Variants in SSX5 observed in about 807,000 individuals in gnomAD.
SSX5 encodes the protein protein SSX5.
Under a neutral mutation model 14.9 loss-of-function variants are expected in SSX5, and 14 were observed. The observed-to-expected ratio is 0.94, with a 90% confidence interval of 0.62 to 1.47. The LOEUF is 1.47. SSX5 is among the 40% of genes most tolerant of loss of function. The pLI, the probability that SSX5 is intolerant of heterozygous loss-of-function variation, is 0.00. For synonymous variants in SSX5, 70 were observed against 55.4 expected (o/e 1.26, Z -1.17); for missense variants, 204 against 154.6 (o/e 1.32, Z -1.70).
intron 7 of SSX5, among the ~76,000 whole-genome samples, chrX:48,187,192 A>G (rs1556923932): frequency 1.8e-5 from 2 of 111,740 alleles, no homozygotes; most frequent in African/African-American, 6.5e-5. Flanking sequence ...GCAGAGGCTC[A>G]CGCCTGTAGT....
Position 48,195,112 on chromosome X carries a change from G to C in SSX5, c.69+178C>G, listed in dbSNP as rs1556925563. 1.2e-5 allele frequency: 15 copies of C among 1,209,792 alleles called. No individual in the cohort carries two copies. The Admixed American group carries it at 2.8e-4, about 23-fold the overall frequency. The stretch of plus-strand genomic sequence containing the variant: ...TCACCAAATGTATTCCACGGTCACA[G>C]ACTTGTCTCCAGGGATGCTAGGTGA... On this transcript the variant is annotated intron_variant, in intron 2 of 7. Coordinates refer to ENST00000347757, the MANE Select transcript of SSX5 (RefSeq NM_175723.2).
At chrX:48,187,774 G>C in intron 6 of SSX5, 43 bp from the exon 7 acceptor site, 7 of 1,186,404 alleles carry the variant, frequency 5.9e-6, no homozygotes, top group South Asian at 1.8e-5. Context: ...GGGTAGATTG[G>C]AGAGGGTTGG....
chrX:48,192,526 T>A (rs1193779224), intron 4 of SSX5: 103 of 436,730 alleles, frequency 2.4e-4, no homozygotes, highest in African/African-American at 2.3e-3. Flanking sequence ...GTCTCATCTT[T>A]TTCCATTACA....
chrX:48,191,874 C>T (rs1425432807), intron 5 of SSX5, among the ~76,000 whole-genome samples: 19 of 111,785 alleles, frequency 1.7e-4, no homozygotes, highest in African/African-American at 5.5e-4. Flanking sequence ...ACCAGGAATC[C>T]GGAGCTCAGA....
intron 5 of SSX5, 146 bp from the exon 6 acceptor site, chrX:48,190,414 C>A: frequency 1.3e-6 from 1 of 762,563 alleles, no homozygotes; most frequent in South Asian, 3.9e-5. Flanking sequence ...TAGGAGAAAC[C>A]TGGGAGGGGA....
chrX:48,194,176 T>C lies in SSX5; in HGVS notation c.233A>G (p.Asp78Gly). 2.5e-6 allele frequency: 3 copies of C among 1,210,841 alleles called. No individual in the cohort carries two copies. The highest frequency in any genetic ancestry group is 3.4e-6 in the Non-Finnish European group (3 of 895,221). ...PPFMRNKRVA[D>G]FQGNDFDNDP... ...ATTATCAAAATCATTCCCCTGGAAG[T>C]CTGCGACCCGTTTATTACGCATGAA... Residue 78 changes from aspartate to glycine, a missense_variant, in exon 4 of 8, where the codon GAC becomes GGC. Physicochemically the swap from Asp to Gly is moderately conservative, Grantham distance 94 (BLOSUM62 -1). Transcript: ENST00000347757.
chrX:48,188,035 G>A (rs1262811868), intron 6 of SSX5, among the ~76,000 whole-genome samples: 2 of 111,648 alleles, frequency 1.8e-5, no homozygotes, highest in Admixed American at 9.5e-5. Flanking sequence ...CATTCAGCAC[G>A]TATTTATTAA....
intron 1 of SSX5, 100 bp from the exon 2 acceptor site, chrX:48,195,478 G>A: frequency 1.2e-6 from 1 of 860,237 alleles, no homozygotes; most frequent in South Asian, 2.4e-5. Flanking sequence ...CCTGGAATCA[G>A]GAGTTGCATT....
At position 48,186,573 on chromosome X, in the gene SSX5, G is replaced by C. The variant is rs782373446; in HGVS notation, c.*288C>G. ...ATACCTGACGATACTTGTTTTCTGA[G>C]GTAGGTGCATGGATACACAAACTGA... On this transcript the variant is annotated 3_prime_UTR_variant, in exon 8 of 8. Coordinates refer to ENST00000347757, the MANE Select transcript of SSX5 (RefSeq NM_175723.2). 7.5e-5 allele frequency: 33 copies of C among 442,275 alleles called. No homozygotes were observed. The highest frequency in any genetic ancestry group is 6.4e-4 in the African/African-American group (26 of 40,510). 36.4% of individuals were successfully genotyped at this position (442,275 alleles called of 1,213,427 possible).
intron 5 of SSX5, 117 bp downstream of exon 5, chrX:48,192,115 A>G: frequency 3.6e-6 from 4 of 1,116,957 alleles, no homozygotes; most frequent in Non-Finnish European, 4.9e-6. Flanking sequence ...AGGTGTTGTG[A>G]TAGACATAGG....
intron 6 of SSX5, 50 bp from the exon 7 acceptor site, chrX:48,187,781 T>C (rs781817234): frequency 8.5e-7 from 1 of 1,172,943 alleles, no homozygotes; most frequent in Non-Finnish European, 1.2e-6. Flanking sequence ...TTGGAGAGGG[T>C]TGGGTTGATT....
chrX:48,188,665 A>T (rs2059408223), intron 6 of SSX5, among the ~76,000 whole-genome samples: 1 of 111,914 alleles, frequency 8.9e-6, no homozygotes, highest in Non-Finnish European at 1.9e-5. Context: ...TGTTGAAATG[A>T]AAGGAAGAGT....
chrX:48,190,264 G>C lies in SSX5; in HGVS notation c.335C>G (p.Thr112Arg), dbSNP rs376545167. 4 of 1,198,317 alleles carry C rather than the reference G, an allele frequency of 3.3e-6. No homozygotes were observed. In the East Asian group the frequency reaches 1.2e-4, roughly 36 times the overall value. ...GRLQGIFPKI[T>R]PEKPAEEGND... Reference sequence around the variant, plus strand: ...TCCTTCCTCTGCTGGCTTCTCGGGCGTGATCTTTATAATGTGAAGGTCACA... The same window carrying C: ...TCCTTCCTCTGCTGGCTTCTCGGGCCTGATCTTTATAATGTGAAGGTCACA... Residue 112 changes from threonine to arginine, a missense_variant, in exon 6 of 8, where the codon ACG becomes AGG. Thr to Arg is a moderately conservative substitution (Grantham distance 71). Coordinates refer to ENST00000347757, the MANE Select transcript of SSX5 (RefSeq NM_175723.2).
Position 48,190,148 on chromosome X carries a change from C to A in SSX5, c.451G>T (p.Val151Phe), listed in dbSNP as rs782180410. The change falls in exon 6 of 8, where the codon GTT becomes TTT. Residue 151 changes from valine to phenylalanine, a missense_variant. Val to Phe is a conservative substitution (Grantham distance 50, BLOSUM62 -1). Transcript: ENST00000347757. The stretch of plus-strand genomic sequence containing the variant: ...TTTCTCTTACCAGATGTCTTGTTAA[C>A]CTTCTCAGAGGTATTTAGTTTTCCT... ...PSGKLNTSEK[V>F]NKTSGPKRGK... is the part of the protein sequence containing the mutation. 5.7e-5 allele frequency: 69 copies of A among 1,208,572 alleles called. No individual in the cohort carries two copies. In the South Asian group the frequency reaches 1.1e-3, roughly 20 times the overall value.
At chrX:48,186,971 A>G in intron 7 of SSX5, 115 bp from the exon 8 acceptor site, 1 of 938,910 alleles carries the variant, frequency 1.1e-6, no homozygotes, top group Admixed American at 2.2e-5. Flanking sequence ...GCCCTACCTC[A>G]GGACCTGTAC....
rs2059396617 is a variant in SSX5 at position 48,186,399 on chromosome X, TGTGTGCGCGC to T, written c.*452_*461del. The T allele has an allele frequency of 4.4e-6, 1 of 229,636 alleles. No homozygotes were observed. The highest frequency in any genetic ancestry group is 6.9e-5 in the Admixed American group (1 of 14,409). The allele number at this position is 229,636 out of a possible 1,213,427, so 18.9% of individuals were successfully genotyped here. On this transcript the variant is annotated 3_prime_UTR_variant, in exon 8 of 8. Transcript: ENST00000347757. ...GTGTGTGTGTGTGTGTGTGTGTGTG[TGTGTGCGCGC>T]GCGCGCGCATGTGTGTCTGTGTGGC...
At chrX:48,191,890 TAGA>T (rs2059421456) in intron 5 of SSX5, among the ~76,000 whole-genome samples, 1 of 112,331 alleles carries the variant, frequency 8.9e-6, no homozygotes, top group Admixed American at 9.5e-5. Flanking sequence ...TCAGAGGACT[TAGA>T]AGATTTGTGC....
At chrX:48,187,384 C>CG (rs2059402487) in intron 7 of SSX5, among the ~76,000 whole-genome samples, 1 of 110,486 alleles carries the variant, frequency 9.1e-6, no homozygotes, top group Non-Finnish European at 1.9e-5. Context: ...GGCGTGAACA[C>CG]GGGAGGCGGA....
intron 1 of SSX5, among the ~76,000 whole-genome samples, chrX:48,195,657 C>A (rs1193785980): frequency 1.8e-5 from 2 of 111,222 alleles, no homozygotes; most frequent in Non-Finnish European, 3.8e-5. Context: ...TAGTAGTTTC[C>A]CTGAGGCCAG....
Sources: gnomAD v4.1 joint callset for allele counts (sites outside exome capture counted in the v4.1 genomes callset) on GRCh38, gnomAD v4.1.1 for gene constraint, MANE v1.5 for transcripts, NCBI Gene and HGNC (gene_info 2026-07-23, HGNC 2026-07-21) for gene names.